Variants in KCNMB2 observed in about 807,000 individuals in gnomAD.
The protein encoded by KCNMB2 is calcium-activated potassium channel subunit beta-2.
Under a neutral mutation model 24.5 loss-of-function variants are expected in KCNMB2, and 9 were observed. The observed-to-expected ratio is 0.37, with a 90% confidence interval of 0.22 to 0.64. The LOEUF (loss-of-function observed/expected upper bound fraction) is 0.64. Ranked by LOEUF, KCNMB2 falls within the 30% of genes least tolerant of loss-of-function variation. The pLI, the probability that KCNMB2 is intolerant of heterozygous loss-of-function variation, is 0.63. For missense variants in KCNMB2, 226 were observed against 284.3 expected (o/e 0.79, Z 1.47); for synonymous variants, 109 against 104.4 (o/e 1.04, Z -0.27).
At chr3:178,828,506 G>A in intron 4 of KCNMB2, 133 bp downstream of exon 4, 1 of 616,598 alleles carries the variant, frequency 1.6e-6, no homozygotes, top group South Asian at 2.3e-5. Context: ...CTTCCATTCA[G>A]AGAACTTGCT....
At chr3:178,549,187 C>T (rs1463448759) in intron 1 of KCNMB2, among the ~76,000 whole-genome samples, 2 of 152,060 alleles carry the variant, frequency 1.3e-5, no homozygotes, top group Non-Finnish European at 2.9e-5. Flanking sequence ...TATAGTAATG[C>T]TAACCCTATT....
chr3:178,829,231 C>T (rs1377296028), intron 4 of KCNMB2, among the ~76,000 whole-genome samples: 1 of 151,934 alleles, frequency 6.6e-6, no homozygotes, highest in Non-Finnish European at 1.5e-5. Flanking sequence ...CAACTCGATG[C>T]CACTCTTGGC....
intron 1 of KCNMB2, among the ~76,000 whole-genome samples, chr3:178,544,220 A>G (rs2108448850): frequency 6.6e-6 from 1 of 152,290 alleles, no homozygotes; most frequent in East Asian, 1.9e-4. Context: ...ATTATTTTAT[A>G]ATAATTAAGC....
chr3:178,629,337 C>T (rs1452854129), intron 1 of KCNMB2, among the ~76,000 whole-genome samples: 1 of 152,074 alleles, frequency 6.6e-6, no homozygotes, highest in South Asian at 2.1e-4. Flanking sequence ...AAATGCAATC[C>T]TGTAGGAAAA....
chr3:178,829,977 C>T (rs764407319), intron 4 of KCNMB2, among the ~76,000 whole-genome samples: 3 of 152,070 alleles, frequency 2.0e-5, no homozygotes, highest in Admixed American at 6.6e-5. Flanking sequence ...TCGTAACCAC[C>T]GTGTAACCAC....
intron 1 of KCNMB2, among the ~76,000 whole-genome samples, chr3:178,684,159 T>G (rs1407985180): frequency 6.6e-6 from 1 of 152,068 alleles, no homozygotes; most frequent in African/African-American, 2.4e-5. Context: ...CAATGAAAAC[T>G]TATTTATTCC....
chr3:178,590,679 TG>T (rs914596403), intron 1 of KCNMB2, among the ~76,000 whole-genome samples: 3 of 152,200 alleles, frequency 2.0e-5, no homozygotes, highest in African/African-American at 7.2e-5. Context: ...TTGAAATTAA[TG>T]CACAGAACAG....
intron 1 of KCNMB2, among the ~76,000 whole-genome samples, chr3:178,752,222 A>C (rs1195981863): frequency 2.0e-5 from 3 of 152,252 alleles, no homozygotes; most frequent in Non-Finnish European, 2.9e-5. Context: ...TAAGTGTCAG[A>C]AGAGAACTAT....
At chr3:178,547,687 T>G (rs571703035) in intron 1 of KCNMB2, among the ~76,000 whole-genome samples, 1 of 152,316 alleles carries the variant, frequency 6.6e-6, no homozygotes, top group African/African-American at 2.4e-5. Context: ...TCTCCTTTCC[T>G]GGGTTCTTTA....
At chr3:178,737,004 T>C (rs971205349) in intron 1 of KCNMB2, among the ~76,000 whole-genome samples, 15 of 152,234 alleles carry the variant, frequency 9.9e-5, no homozygotes, top group African/African-American at 3.6e-4. Context: ...ACACAGCGGC[T>C]CATGCCTGTA....
At chr3:178,552,026 C>T (rs1046425695) in intron 1 of KCNMB2, among the ~76,000 whole-genome samples, 7 of 152,162 alleles carry the variant, frequency 4.6e-5, no homozygotes, top group Admixed American at 1.3e-4. Context: ...CCCAGAGCTC[C>T]GGAACCCAGA....
intron 1 of KCNMB2, among the ~76,000 whole-genome samples, chr3:178,784,251 G>A (rs974751236): frequency 6.6e-6 from 1 of 152,132 alleles, no homozygotes; most frequent in Non-Finnish European, 1.5e-5. Context: ...CAAAACAATT[G>A]TTGGAGGTAG....
At chr3:178,664,952 A>G (rs1043583979) in intron 1 of KCNMB2, among the ~76,000 whole-genome samples, 4 of 152,152 alleles carry the variant, frequency 2.6e-5, no homozygotes, top group African/African-American at 9.6e-5. Context: ...GCCCTGAGCA[A>G]GAAATGTGCT....
At chr3:178,755,067 A>C (rs1723985101) in intron 1 of KCNMB2, among the ~76,000 whole-genome samples, 1 of 152,200 alleles carries the variant, frequency 6.6e-6, no homozygotes, top group Non-Finnish European at 1.5e-5. Context: ...CGCATCTAGG[A>C]GTTGCTAACA....
At chr3:178,539,019 T>G (rs530684761) in intron 1 of KCNMB2, among the ~76,000 whole-genome samples, 1 of 152,328 alleles carries the variant, frequency 6.6e-6, no homozygotes, top group Non-Finnish European at 1.5e-5. Context: ...ACAGCTTTAG[T>G]CAGTCTTGTT....
intron 2 of KCNMB2, among the ~76,000 whole-genome samples, chr3:178,818,278 G>C (rs570720183): frequency 5.9e-4 from 90 of 152,220 alleles, no homozygotes; most frequent in African/African-American, 1.9e-3. Context: ...TTGTTTGTTT[G>C]TTCTTAAGTT....
chr3:178,696,515 C>A (rs1037741178), intron 1 of KCNMB2, among the ~76,000 whole-genome samples: 47 of 152,086 alleles, frequency 3.1e-4, no homozygotes, highest in African/African-American at 1.1e-3. Context: ...AGCTAGAAGT[C>A]TGTCTATTTT....
chr3:178,582,707 C>T (rs1029581463), intron 1 of KCNMB2, among the ~76,000 whole-genome samples: 6 of 152,020 alleles, frequency 3.9e-5, no homozygotes, highest in African/African-American at 9.7e-5. Flanking sequence ...TTGAGCTTTC[C>T]CTCCAGAATA....
At chr3:178,782,563 G>T (rs1712903230) in intron 1 of KCNMB2, among the ~76,000 whole-genome samples, 1 of 146,572 alleles carries the variant, frequency 6.8e-6, no homozygotes, top group Non-Finnish European at 1.5e-5. Flanking sequence ...ATTTTTTCAT[G>T]TGTTTTTTGG....
Sources: allele counts gnomAD v4.1 joint callset (sites outside exome capture counted in the v4.1 genomes callset), GRCh38; gene constraint gnomAD v4.1.1; transcripts MANE v1.5; gene names NCBI Gene and HGNC (gene_info 2026-07-23, HGNC 2026-07-21).